ZNF438: variants seen among roughly 807,000 people sequenced by gnomAD.
ZNF438 encodes zinc finger protein 438.
A neutral mutation model predicts 38.0 loss-of-function variants in ZNF438; 25 were observed. That is an observed-to-expected ratio of 0.66 (90% CI 0.48 to 0.92). The LOEUF is 0.92. ZNF438 is among the 40% of genes least tolerant of loss of function. ZNF438 has a pLI of 0.00. For synonymous variants in ZNF438, 372 were observed against 364.1 expected (o/e 1.02, Z -0.25); for missense variants, 1,007 against 999.6 (o/e 1.01, Z -0.10).
chr10:30,953,957 C>T (rs560274006), intron 1 of ZNF438, among the ~76,000 whole-genome samples: 1 of 152,204 alleles, frequency 6.6e-6, no homozygotes, highest in South Asian at 2.1e-4. Flanking sequence ...GCCTGGCCAA[C>T]ATGGTGTAAT....
chr10:31,025,885 C>A (rs2133372750), intron 1 of ZNF438, among the ~76,000 whole-genome samples: 1 of 152,246 alleles, frequency 6.6e-6, no homozygotes, highest in Non-Finnish European at 1.5e-5. Context: ...AGTACACAAA[C>A]AAGCATCCAG....
intron 1 of ZNF438, among the ~76,000 whole-genome samples, chr10:30,991,966 G>A (rs894521327): frequency 6.6e-5 from 10 of 152,154 alleles, no homozygotes; most frequent in African/African-American, 2.4e-4. Context: ...AGGAAGCCAG[G>A]CTTTAATATG....
chr10:30,958,027 T>G (rs568070869), intron 1 of ZNF438, among the ~76,000 whole-genome samples: 2 of 147,144 alleles, frequency 1.4e-5, no homozygotes, highest in African/African-American at 4.9e-5. Flanking sequence ...GGTAGTGTGA[T>G]GCCTCCAGCT....
At position 30,860,403 on chromosome 10, in the gene ZNF438, C is replaced by T. The variant is rs113379212; in HGVS notation, c.38-10036G>A. Among the ~76,000 whole-genome samples, 886 of 152,314 alleles carry T rather than the reference C, an allele frequency of 5.8e-3. 6 individuals are homozygous for T. The highest frequency in any genetic ancestry group is 0.013 in the Admixed American group (195 of 15,306). On this transcript the variant is annotated intron_variant, in intron 4 of 5. Transcript: ENST00000413025. ...TTTGGGTCTGCATTCTGAAAGCTCT[C>T]GTGTCATGTAACACAGCTGATTCAA...
At chr10:30,963,261 G>A (rs536630302) in intron 1 of ZNF438, among the ~76,000 whole-genome samples, 16 of 151,754 alleles carry the variant, frequency 1.1e-4, no homozygotes, top group African/African-American at 2.9e-4. Flanking sequence ...GCATGGTGGC[G>A]GGCATCTGTA....
intron 1 of ZNF438, among the ~76,000 whole-genome samples, chr10:30,951,695 A>C (rs1017702570): frequency 7.2e-5 from 11 of 151,918 alleles, no homozygotes; most frequent in Non-Finnish European, 1.5e-5. Flanking sequence ...CTTACAAGGG[A>C]TGTGAAGGAC....
intron 1 of ZNF438, among the ~76,000 whole-genome samples, chr10:30,987,604 G>T (rs930554846): frequency 1.3e-5 from 2 of 152,082 alleles, no homozygotes; most frequent in Non-Finnish European, 2.9e-5. Flanking sequence ...TTTAATTAGC[G>T]TTAGATTAGG....
At chr10:30,861,400 C>G (rs1040213229) in intron 4 of ZNF438, among the ~76,000 whole-genome samples, 2 of 151,888 alleles carry the variant, frequency 1.3e-5, no homozygotes, top group East Asian at 3.9e-4. Flanking sequence ...ATGCAGAACC[C>G]ACAGATGCAG....
chr10:30,866,918 T>C (rs189492763), intron 4 of ZNF438, among the ~76,000 whole-genome samples: 214 of 152,288 alleles, frequency 1.4e-3, no homozygotes, highest in African/African-American at 5.0e-3. Flanking sequence ...TATGGAAGAT[T>C]TGCTTAACTC....
chr10:30,878,333 G>A (rs1226992837), intron 3 of ZNF438, among the ~76,000 whole-genome samples: 1 of 152,118 alleles, frequency 6.6e-6, no homozygotes. Flanking sequence ...CTGGAGAGAA[G>A]CAACTTGACT....
Position 30,978,246 on chromosome 10 carries a change from T to C in ZNF438, c.-191-36595A>G, listed in dbSNP as rs887869867. Among the ~76,000 whole-genome samples, 28 of 152,216 alleles carry C rather than the reference T, an allele frequency of 1.8e-4. 1 individual carries two copies. Among genetic ancestry groups the C allele is most frequent in the South Asian group, 4.1e-4 (2 of 4,836 alleles). ...ATCAAACTACAGACTAGACAGTATATTGAGAATTCGTCTACTCTCTTTCCT... is the reference window on the plus strand; with the variant it reads ...ATCAAACTACAGACTAGACAGTATACTGAGAATTCGTCTACTCTCTTTCCT... On this transcript the variant is annotated intron_variant, in intron 1 of 5. Transcript: ENST00000413025.
chr10:30,851,138 A>G (rs1434705070), intron 4 of ZNF438, among the ~76,000 whole-genome samples: 3 of 152,272 alleles, frequency 2.0e-5, no homozygotes, highest in Non-Finnish European at 2.9e-5. Flanking sequence ...ATACAAAGTG[A>G]TAAGTACAGA....
At chr10:30,911,242 C>G (rs2043051096) in intron 2 of ZNF438, among the ~76,000 whole-genome samples, 1 of 152,074 alleles carries the variant, frequency 6.6e-6, no homozygotes, top group African/African-American at 2.4e-5. Flanking sequence ...CTTCTCTCAC[C>G]ATTTATTTAG....
At chr10:30,874,162 ATT>A (rs2038045066) in intron 4 of ZNF438, among the ~76,000 whole-genome samples, 17 of 118,014 alleles carry the variant, frequency 1.4e-4, no homozygotes, top group Admixed American at 1.1e-3. Context: ...ATATATATAT[ATT>A]TAGAGACAAG....
chr10:30,844,865 G>T lies in ZNF438; in HGVS notation c.*96C>A, dbSNP rs1302870650. On this transcript the variant is annotated 3_prime_UTR_variant, in exon 6 of 6. Coordinates refer to ENST00000413025, the Ensembl canonical transcript of ZNF438. Reference sequence around the variant, plus strand: ...TCTGTTCACTCACACCAATCCTGTTGTTTGATCTTTGTGACTAAGCACCAC... The same window carrying T: ...TCTGTTCACTCACACCAATCCTGTTTTTTGATCTTTGTGACTAAGCACCAC... 5.6e-6 allele frequency: 8 copies of T among 1,438,000 alleles called. No homozygotes were observed. In the African/African-American group the frequency reaches 8.5e-5, roughly 15 times the overall value. 89.1% of individuals were successfully genotyped at this position (1,438,000 alleles called of 1,614,324 possible).
chr10:30,848,695 C>A (rs745863307), exon 5 of ZNF438: 2 of 1,614,242 alleles, frequency 1.2e-6, no homozygotes, highest in South Asian at 2.2e-5. Context: ...TTGCACAAAA[C>A]TCACAACACA....
At chr10:30,911,480 T>TC (rs2043073582) in intron 2 of ZNF438, among the ~76,000 whole-genome samples, 2 of 152,152 alleles carry the variant, frequency 1.3e-5, no homozygotes, top group African/African-American at 4.8e-5. Context: ...ATCTCATGCC[T>TC]CCCGTCTCCT....
intron 2 of ZNF438, among the ~76,000 whole-genome samples, chr10:30,911,312 A>G (rs2043057865): frequency 3.9e-5 from 6 of 152,172 alleles, no homozygotes; most frequent in Admixed American, 2.0e-4. Context: ...CTGTCTTTAA[A>G]AAGCCAGTTG....
intron 2 of ZNF438, among the ~76,000 whole-genome samples, chr10:30,922,154 C>T (rs2044371107): frequency 6.6e-6 from 1 of 152,064 alleles, no homozygotes; most frequent in Admixed American, 6.6e-5. Context: ...CAGGGATTAC[C>T]TCTTCTATAC....
Sources: gnomAD v4.1 joint callset for allele counts (sites outside exome capture counted in the v4.1 genomes callset) on GRCh38, gnomAD v4.1.1 for gene constraint, MANE v1.5 for transcripts, NCBI Gene and HGNC (gene_info 2026-07-23, HGNC 2026-07-21) for gene names.